The following ZC3H13 variants were observed in gnomAD, a reference collection of about 807,000 sequenced individuals.
ZC3H13 encodes zinc finger CCCH domain-containing protein 13.
Under a neutral mutation model 204.1 loss-of-function variants are expected in ZC3H13, and 64 were observed. The ratio of observed to expected loss-of-function variants is 0.31; its 90% CI spans 0.26 to 0.39. The LOEUF is 0.39. Ranked by LOEUF, ZC3H13 falls within the 10% of genes least tolerant of loss-of-function variation. The pLI is 1.00. For missense variants in ZC3H13, 1,833 were observed against 2,082.7 expected, an observed-to-expected ratio of 0.88 and a Z score of 2.33; for synonymous variants, 667 against 693.7, an observed-to-expected ratio of 0.96 and a Z score of 0.60.
In ZC3H13 at chr13:45,968,823, G is replaced by C. The variant is rs1478040276; in HGVS notation, c.3721C>G (p.Leu1241Val). 1 of 1,613,872 alleles carries C rather than the reference G, an allele frequency of 6.2e-7. No homozygotes were observed. ...GATTTTCTCTCTCCTGTGATTTCCA[G>C]GCTTTTTGTTTTTTCTCTATCTCTT... ...GSRDREKTKS[L>V]EITGERKSRI... Residue 1241 changes from leucine to valine, a missense_variant, in exon 14 of 19, where the codon CTG (leucine) becomes GTG (valine). Physicochemically the swap from Leu to Val is conservative, Grantham distance 32. Coordinates refer to ENST00000679008, the MANE Select transcript of ZC3H13 (RefSeq NM_001330564.2).
At chr13:45,994,262 G>A (rs1471607652) in intron 8 of ZC3H13, among the ~76,000 whole-genome samples, 3 of 152,172 alleles carry the variant, frequency 2.0e-5, no homozygotes, top group Non-Finnish European at 4.4e-5. Context: ...AAACGTTTAT[G>A]TTATCAGTAA....
chr13:45,998,983 A>C (rs1212870846), intron 8 of ZC3H13, among the ~76,000 whole-genome samples: 1 of 152,222 alleles, frequency 6.6e-6, no homozygotes, highest in African/African-American at 2.4e-5. Flanking sequence ...GCTCAAGCCT[A>C]TAACTACAAT....
intron 4 of ZC3H13, among the ~76,000 whole-genome samples, chr13:46,022,543 G>A (rs745321964): frequency 1.3e-5 from 2 of 151,790 alleles, no homozygotes; most frequent in Non-Finnish European, 2.9e-5. Context: ...TGTATTTCTT[G>A]AACAGAATGG....
chr13:46,022,278 G>C (rs1295735525), intron 4 of ZC3H13, among the ~76,000 whole-genome samples: 1 of 151,778 alleles, frequency 6.6e-6, no homozygotes, highest in Non-Finnish European at 1.5e-5. Flanking sequence ...GGCTTAAATA[G>C]GTGATGGAAT....
At chr13:46,006,713 C>T (rs867014287) in intron 7 of ZC3H13, among the ~76,000 whole-genome samples, 12 of 63,832 alleles carry the variant, frequency 1.9e-4, no homozygotes, top group East Asian at 5.9e-4. Flanking sequence ...AGTTCTTAGC[C>T]ATATATATAT....
At chr13:45,960,072 T>C (rs766678540) in intron 17 of ZC3H13, among the ~76,000 whole-genome samples, 7 of 152,028 alleles carry the variant, frequency 4.6e-5, no homozygotes, top group Non-Finnish European at 1.0e-4. Flanking sequence ...CTGCCTCAGC[T>C]TCCCGAGTAG....
At chr13:46,003,385 A>G (rs751132566) in intron 7 of ZC3H13, 49 bp from the exon 8 acceptor site, 1 of 1,546,106 alleles carries the variant, frequency 6.5e-7, no homozygotes, top group South Asian at 1.2e-5. Flanking sequence ...TGCCAAAAGG[A>G]TATTTTTTAA....
intron 4 of ZC3H13, among the ~76,000 whole-genome samples, chr13:46,025,892 T>A (rs2042513421): frequency 6.8e-6 from 1 of 147,308 alleles, no homozygotes. Context: ...TGATTAAAGC[T>A]AAAAAAAAAA....
intron 4 of ZC3H13, among the ~76,000 whole-genome samples, chr13:46,029,454 A>C (rs1027042140): frequency 1.5e-5 from 2 of 135,676 alleles, no homozygotes; most frequent in Non-Finnish European, 3.1e-5. Flanking sequence ...TTTGAGACGG[A>C]GTCTCGCTCT....
At chr13:45,978,485 T>C (rs1055350289) in intron 11 of ZC3H13, among the ~76,000 whole-genome samples, 11 of 152,192 alleles carry the variant, frequency 7.2e-5, no homozygotes, top group African/African-American at 2.4e-4. Context: ...CTCTATAATA[T>C]TGTAATCTTA....
chr13:46,011,584 A>C, intron 5 of ZC3H13, 30 bp from the exon 6 acceptor site: 1 of 1,512,128 alleles, frequency 6.6e-7, no homozygotes, highest in South Asian at 1.3e-5. Flanking sequence ...TACTGTTAGA[A>C]ACTAGCATAA....
In ZC3H13 at chr13:45,975,641, CTTT is replaced by C; in HGVS notation, c.2107_2109del (p.Lys703del). 10 of 1,590,618 alleles carry C rather than the reference CTTT, an allele frequency of 6.3e-6. No homozygotes were observed. Among genetic ancestry groups the C allele is most frequent in the Non-Finnish European group, 8.6e-6 (10 of 1,167,906 alleles). On this transcript the variant is annotated inframe_deletion, in exon 12 of 19. Coordinates refer to ENST00000679008, the MANE Select transcript of ZC3H13 (RefSeq NM_001330564.2). ...GCACGCTCTCTTTCTAGTTCTCTCT[CTTT>C]TTCTCTTTCCCGATCCCGTTCACGT... is the stretch of plus-strand genomic sequence containing the variant.
rs775527733 is a variant in ZC3H13, at chr13:45,969,259, A to G, written c.3285T>C (p.Ser1095=). Residue 1095 remains serine (S), a synonymous_variant, in exon 14 of 19, where the codon TCT becomes TCC. Transcript: ENST00000679008. ...ATATTPGSTP[S]PLSSLLPPPP... ...GAGGAGGAAGAAGAGAAGATAGAGGAGAAGGGGTACTACCAGGAGTCGTGG... is the reference window on the plus strand; with the variant it reads ...GAGGAGGAAGAAGAGAAGATAGAGGGGAAGGGGTACTACCAGGAGTCGTGG... 6.2e-7 allele frequency: 1 copy of G among 1,613,972 alleles called. No homozygotes were observed. The highest frequency in any genetic ancestry group is 8.5e-7 in the Non-Finnish European group (1 of 1,180,016).
chr13:45,994,669 A>T (rs1430378946), intron 8 of ZC3H13, among the ~76,000 whole-genome samples: 1 of 152,202 alleles, frequency 6.6e-6, no homozygotes, highest in African/African-American at 2.4e-5. Context: ...GAGAATCGAT[A>T]TTTAAAATAC....
intron 3 of ZC3H13, among the ~76,000 whole-genome samples, chr13:46,043,769 T>C (rs375674700): frequency 6.6e-6 from 1 of 152,028 alleles, no homozygotes; most frequent in African/African-American, 2.4e-5. Context: ...GCAATGACAT[T>C]ACTTTTTCCC....
intron 8 of ZC3H13, among the ~76,000 whole-genome samples, chr13:45,993,164 G>T (rs2040085583): frequency 6.6e-6 from 1 of 152,088 alleles, no homozygotes; most frequent in African/African-American, 2.4e-5. Flanking sequence ...GCTAATTAAT[G>T]TAACAACATT....
At chr13:45,957,500 C>T (rs916011109) in intron 18 of ZC3H13, among the ~76,000 whole-genome samples, 6 of 152,260 alleles carry the variant, frequency 3.9e-5, no homozygotes, top group Admixed American at 1.3e-4. Context: ...TTAGAGGGCA[C>T]CTAGTTTAAC....
intron 11 of ZC3H13, among the ~76,000 whole-genome samples, chr13:45,979,248 T>C (rs1268050074): frequency 6.6e-6 from 1 of 152,122 alleles, no homozygotes; most frequent in Non-Finnish European, 1.5e-5. Flanking sequence ...ATTTAAGAGA[T>C]CACCTGATAG....
At chr13:45,988,647 G>A (rs1442304184) in intron 9 of ZC3H13, 140 bp downstream of exon 9, 3 of 833,004 alleles carry the variant, frequency 3.6e-6, no homozygotes, top group Non-Finnish European at 5.5e-6. Flanking sequence ...ATGTTGTTAA[G>A]CATCTCCTAT....
Sources: allele counts gnomAD v4.1 joint callset (sites outside exome capture counted in the v4.1 genomes callset), GRCh38; gene constraint gnomAD v4.1.1; transcripts MANE v1.5; gene names NCBI Gene and HGNC (gene_info 2026-07-23, HGNC 2026-07-21).